The following PRR36 variants were observed in gnomAD, a reference collection of about 807,000 sequenced individuals.
PRR36 encodes proline rich 36.
In PRR36, 30 loss-of-function variants were observed where a neutral mutation model predicts 58.6. The ratio of observed to expected loss-of-function variants is 0.51; its 90% CI spans 0.38 to 0.69. PRR36 has a LOEUF of 0.69. Ranked by LOEUF, PRR36 falls within the 30% of genes least tolerant of loss-of-function variation. PRR36 has a pLI of 0.00. For missense variants in PRR36, 1,692 were observed against 1,805.6 expected (o/e 0.94, Z 1.14); for synonymous variants, 771 against 829.3 (o/e 0.93, Z 1.21).
Position 7,869,407 on chromosome 19 carries a change from C to A in PRR36, c.3667G>T (p.Gly1223Cys), listed in dbSNP as rs933662999. 1.3e-6 allele frequency: 2 copies of A among 1,482,216 alleles called. No individual in the cohort carries two copies. The highest frequency in any genetic ancestry group is 1.8e-6 in the Non-Finnish European group (2 of 1,125,070). The allele number at this position is 1,482,216 out of a possible 1,614,324, so 91.8% of individuals were successfully genotyped here. A position where few individuals can be genotyped will look rare whatever the true frequency, so the allele number is the denominator to read the frequency against. Reference protein sequence around the residue: ...LDPGPSPGTSGGKAAAGAGAG... With the variant: ...LDPGPSPGTSCGKAAAGAGAG... ...CCGGCCCCAGCCGCCGCCTTCCCAC[C>A]GCTCGTGCCGGGACTGGGCCCCGGA... Residue 1223 changes from glycine (G) to cysteine (C), a missense_variant, in exon 6 of 6, where the codon GGT becomes TGT. By Grantham distance (159) the Gly-to-Cys change is radical. Transcript: ENST00000618550.
At position 7,873,365 on chromosome 19, in the gene PRR36, T is replaced by C; in HGVS notation, c.271+54A>G. 1 of 1,513,380 alleles carries C rather than the reference T, an allele frequency of 6.6e-7. No homozygotes were observed. Among genetic ancestry groups the C allele is most frequent in the South Asian group, 1.2e-5 (1 of 81,400 alleles). 93.7% of individuals were successfully genotyped at this position (1,513,380 alleles called of 1,614,324 possible). A position where few individuals can be genotyped will look rare whatever the true frequency, so the allele number is the denominator to read the frequency against. On this transcript the variant is annotated intron_variant, in intron 2 of 5. Coordinates refer to ENST00000618550, the MANE Select transcript of PRR36 (RefSeq NM_001190467.2). The surrounding 1 kb of genome is among the most constrained non-coding windows in gnomAD (Gnocchi z 5.0). ...GGCAGTGGAGGTGAGACTGGACAGG[T>C]ATTGGAAGGGGGAGGGAAGATGGGG... is the stretch of plus-strand genomic sequence containing the variant.
At position 7,872,727 on chromosome 19, in the gene PRR36, A is replaced by G. The variant is rs141982500; in HGVS notation, c.517T>C (p.Ser173Pro). 4,959 of 1,448,938 alleles carry G rather than the reference A, an allele frequency of 3.4e-3. 125 individuals carry two copies. The African/African-American group carries it at 0.062, about 18-fold the overall frequency. The allele number at this position is 1,448,938 out of a possible 1,614,324, so 89.8% of individuals were successfully genotyped here. Residue 173 changes from serine (S) to proline (P), a missense_variant, in exon 5 of 6, where the codon TCC becomes CCC. Physicochemically the swap from Ser to Pro is moderately conservative, Grantham distance 74 (BLOSUM62 -1). This residue lies in a region of PRR36 where 975 missense variants were observed against 955.2 expected (regional missense o/e 1.02). Coordinates refer to ENST00000618550, the MANE Select transcript of PRR36 (RefSeq NM_001190467.2). The surrounding 1 kb of genome is among the most constrained non-coding windows in gnomAD (Gnocchi z 6.1). ...DTSGPTPGTP[S>P]PAMARRSRAA... ...CGGGACCGACGGGCCATGGCCGGGG[A>G]CGGGGTTCCTGGGGTAGGCCCGGAA...
Position 7,872,298 on chromosome 19 carries a change from G to T in PRR36, c.946C>A (p.Pro316Thr), listed in dbSNP as rs1314934877. The change falls in exon 5 of 6, where the codon CCC (proline) becomes ACC (threonine). Residue 316 changes from proline to threonine, a missense_variant. By Grantham distance (38) the Pro-to-Thr change is conservative (BLOSUM62 -1). Coordinates refer to ENST00000618550, the MANE Select transcript of PRR36 (RefSeq NM_001190467.2). This position sits in a 1 kb window ranked among gnomAD's most constrained non-coding sequence, Gnocchi z 6.1. The part of the protein sequence containing the change: ...TPSPSGTKAR[P>T]VPPPDNAATP... Reference sequence around the variant, plus strand: ...GCTGCATTGTCGGGAGGCGGTACGGGTCTTGCCTTGGTACCCGATGGAGAG... The same window carrying T: ...GCTGCATTGTCGGGAGGCGGTACGGTTCTTGCCTTGGTACCCGATGGAGAG... The T allele has an allele frequency of 3.4e-6, 5 of 1,457,542 alleles. No homozygotes were observed. The highest frequency in any genetic ancestry group is 4.5e-6 in the Non-Finnish European group (5 of 1,111,548). 90.3% of individuals were successfully genotyped at this position (1,457,542 alleles called of 1,614,324 possible). A position where few individuals can be genotyped will look rare whatever the true frequency, so the allele number is the denominator to read the frequency against.
rs1980552239 is a variant in PRR36, at chr19:7,873,322, C to T, written c.272-23G>A. ...AGGCTGCGGGGAGAAGGCCGAGTCACAGGTGCCCCGGAGAGGTGGCAGTGG... is the reference window on the plus strand; with the variant it reads ...AGGCTGCGGGGAGAAGGCCGAGTCATAGGTGCCCCGGAGAGGTGGCAGTGG... On this transcript the variant is annotated intron_variant, in intron 2 of 5. Transcript: ENST00000618550. The surrounding 1 kb of genome is among the most constrained non-coding windows in gnomAD (Gnocchi z 5.0). 1.3e-6 allele frequency: 2 copies of T among 1,526,960 alleles called. No homozygotes were observed. Among genetic ancestry groups the T allele is most frequent in the Admixed American group, 2.0e-5 (1 of 49,946 alleles). 94.6% of individuals were successfully genotyped at this position (1,526,960 alleles called of 1,614,324 possible). A position where few individuals can be genotyped will look rare whatever the true frequency, so the allele number is the denominator to read the frequency against.
chr19:7,872,777 C>G lies in PRR36; in HGVS notation c.488-21G>C. The G allele has an allele frequency of 1.3e-6, 2 of 1,504,716 alleles. No individual in the cohort carries two copies. The highest frequency in any genetic ancestry group is 2.5e-5 in the South Asian group (2 of 80,204). The allele number at this position is 1,504,716 out of a possible 1,614,324, so 93.2% of individuals were successfully genotyped here. The stretch of plus-strand genomic sequence containing the variant: ...AGTGTCTGGAGAAAAAGTAGAAGGC[C>G]AAGGGTCACCGATACCTCTGAGGCG... On this transcript the variant is annotated intron_variant, in intron 4 of 5. Transcript: ENST00000618550. The surrounding 1 kb of genome is among the most constrained non-coding windows in gnomAD (Gnocchi z 6.1).
In PRR36 at chr19:7,869,712, T is replaced by C. The variant is rs1368593866; in HGVS notation, c.3529+3A>G. ...GCCAGGCCGGGTCTGGGGTGCCCCT[T>C]ACCTGGGGCTCCGCGGAAAGCCAGC... On this transcript the variant is annotated splice_donor_region_variant and intron_variant, in intron 5 of 5. Transcript: ENST00000618550. 7 of 1,344,654 alleles carry C rather than the reference T, an allele frequency of 5.2e-6. No homozygotes were observed. In the South Asian group the frequency reaches 1.3e-4, roughly 24 times the overall value. 83.3% of individuals were successfully genotyped at this position (1,344,654 alleles called of 1,614,324 possible).
rs999325614 is a variant in PRR36, at chr19:7,870,025, G to T, written c.3219C>A (p.Thr1073=). The T allele has an allele frequency of 4.4e-5, 63 of 1,443,590 alleles. 1 individual carries two copies. Among genetic ancestry groups the T allele is most frequent in the Middle Eastern group, 4.2e-4 (2 of 4,742 alleles). 89.4% of individuals were successfully genotyped at this position (1,443,590 alleles called of 1,614,324 possible). The change falls in exon 5 of 6, where the codon ACC becomes ACA. Residue 1073 remains threonine (T), a synonymous_variant. Coordinates refer to ENST00000618550, the MANE Select transcript of PRR36 (RefSeq NM_001190467.2). ...TCGGGGGGCGGCGTGGGGCCTGCAG[G>T]GTGGGTGAGGCAGGGGGAGAGGGAG... The part of the protein sequence containing the change: ...QVPPSPPASP[T]LQAPRRPPTP...
chr19:7,873,022 T>C lies in PRR36; in HGVS notation c.375-61A>G. The C allele has an allele frequency of 6.9e-7, 1 of 1,446,298 alleles. No individual in the cohort carries two copies. Among genetic ancestry groups the C allele is most frequent in the Non-Finnish European group, 9.3e-7 (1 of 1,070,342 alleles). 89.6% of individuals were successfully genotyped at this position (1,446,298 alleles called of 1,614,324 possible). A position where few individuals can be genotyped will look rare whatever the true frequency, so the allele number is the denominator to read the frequency against. On this transcript the variant is annotated intron_variant, in intron 3 of 5. Coordinates refer to ENST00000618550, the MANE Select transcript of PRR36 (RefSeq NM_001190467.2). This position sits in a 1 kb window ranked among gnomAD's most constrained non-coding sequence, Gnocchi z 5.0. ...TTTGTTTGGCTTCCCAAGTCTCTAT[T>C]TTCCCATCTGTGAAATGGGCATGTG...
chr19:7,872,171 T>C lies in PRR36; in HGVS notation c.1073A>G (p.His358Arg). Residue 358 changes from histidine to arginine, a missense_variant, in exon 5 of 6, where the codon CAC becomes CGC. Coordinates refer to ENST00000618550, the MANE Select transcript of PRR36 (RefSeq NM_001190467.2). The surrounding 1 kb of genome is among the most constrained non-coding windows in gnomAD (Gnocchi z 6.1). ...CAACTGACAGGTAAGGCTCGACGAG[T>C]GGGGCGTGGCCGGCAGGGTGGGCGG... ...QAPPTLPATP[H>R]SSSLTCQLAT... The C allele has an allele frequency of 2.2e-6, 3 of 1,381,918 alleles. No individual in the cohort carries two copies. The highest frequency in any genetic ancestry group is 2.8e-6 in the Non-Finnish European group (3 of 1,066,912). The allele number at this position is 1,381,918 out of a possible 1,614,324, so 85.6% of individuals were successfully genotyped here.
rs1980467977 is a variant in PRR36 at position 7,871,904 on chromosome 19, G to A, written c.1340C>T (p.Pro447Leu). The A allele has an allele frequency of 6.5e-7, 1 of 1,535,906 alleles. No homozygotes were observed. The highest frequency in any genetic ancestry group is 8.7e-7 in the Non-Finnish European group (1 of 1,146,824). Residue 447 changes from proline to leucine, a missense_variant, in exon 5 of 6, where the codon CCG (proline) becomes CTG (leucine). Around this residue, in one of 5 missense-constraint regions of PRR36, gnomAD observed 975 missense variants for 955.2 expected, o/e 1.02. Coordinates refer to ENST00000618550, the MANE Select transcript of PRR36 (RefSeq NM_001190467.2). The stretch of plus-strand genomic sequence containing the variant: ...TGTGGCCAAGGGAGAGAGGAGAGTC[G>A]GAAGAGAGGGCAACGCTGGATTAGC... ...TQANPALPSL[P>L]TLLSPLATPP...
rs1204055272 is a variant in PRR36, at chr19:7,872,207, T to C, written c.1037A>G (p.Gln346Arg). The C allele has an allele frequency of 7.1e-7, 1 of 1,411,800 alleles. No homozygotes were observed. Among genetic ancestry groups the C allele is most frequent in the Admixed American group, 3.0e-5 (1 of 33,830 alleles). The allele number at this position is 1,411,800 out of a possible 1,614,324, so 87.5% of individuals were successfully genotyped here. A position where few individuals can be genotyped will look rare whatever the true frequency, so the allele number is the denominator to read the frequency against. ...CGGCAGGGTGGGCGGGGCCTGACTT[T>C]GGAGAGCGGCTGGCGGAGGGGGCGT... ...PVTPPPPAAL[Q>R]SQAPPTLPAT... The change falls in exon 5 of 6, where the codon CAA (glutamine) becomes CGA (arginine). Residue 346 changes from glutamine (Q) to arginine (R), a missense_variant. This residue lies in a region of PRR36 where 975 missense variants were observed against 955.2 expected (regional missense o/e 1.02). Coordinates refer to ENST00000618550, the MANE Select transcript of PRR36 (RefSeq NM_001190467.2). The surrounding 1 kb of genome is among the most constrained non-coding windows in gnomAD (Gnocchi z 6.1).
Position 7,873,381 on chromosome 19 carries a change from GA to G in PRR36, c.271+37del. 1 of 1,517,318 alleles carries G rather than the reference GA, an allele frequency of 6.6e-7. No individual in the cohort carries two copies. The highest frequency in any genetic ancestry group is 8.8e-7 in the Non-Finnish European group (1 of 1,135,214). 94.0% of individuals were successfully genotyped at this position (1,517,318 alleles called of 1,614,324 possible). The stretch of plus-strand genomic sequence containing the variant: ...CTGGACAGGTATTGGAAGGGGGAGG[GA>G]AGATGGGGGCGGAGCTGAGGAAGGA... On this transcript the variant is annotated intron_variant, in intron 2 of 5. Transcript: ENST00000618550. The surrounding 1 kb of genome is among the most constrained non-coding windows in gnomAD (Gnocchi z 5.0).
At position 7,871,801 on chromosome 19, in the gene PRR36, C is replaced by T. The variant is rs1406460920; in HGVS notation, c.1443G>A (p.Leu481=). ...AAAGGCCTGGCTGAGGGAGTGCGGC[C>T]AGGGGAAAAGCCGAATTCCCCAGAG... ...ATSLGNSAFP[L]AALPQPGLSA... The change falls in exon 5 of 6, where the codon CTG becomes CTA. Residue 481 remains leucine (L), a synonymous_variant. Transcript: ENST00000618550. The T allele has an allele frequency of 6.5e-7, 1 of 1,534,932 alleles. No homozygotes were observed. Among genetic ancestry groups the T allele is most frequent in the African/African-American group, 1.4e-5 (1 of 72,670 alleles).
Position 7,872,651 on chromosome 19 carries a change from G to T in PRR36, c.593C>A (p.Pro198Gln). ...GLPRPAPSAR[P>Q]RPPTEGPRKS... ...CCGGGGGCCCTCTGTCGGGGGCCGT[G>T]GCCGGGCACTCGGAGCTGGCCGGGG... Residue 198 changes from proline to glutamine, a missense_variant, in exon 5 of 6, where the codon CCA (proline) becomes CAA (glutamine). Pro to Gln is a moderately conservative substitution (Grantham distance 76). This residue lies in a region of PRR36 where 975 missense variants were observed against 955.2 expected (regional missense o/e 1.02). Coordinates refer to ENST00000618550, the MANE Select transcript of PRR36 (RefSeq NM_001190467.2). This position sits in a 1 kb window ranked among gnomAD's most constrained non-coding sequence, Gnocchi z 6.1. 6.8e-7 allele frequency: 1 copy of T among 1,474,986 alleles called. No individual in the cohort carries two copies. Among genetic ancestry groups the T allele is most frequent in the Non-Finnish European group, 8.9e-7 (1 of 1,117,392 alleles). The allele number at this position is 1,474,986 out of a possible 1,614,324, so 91.4% of individuals were successfully genotyped here.
In PRR36 at chr19:7,874,090, C is replaced by G. The variant is rs191575938; in HGVS notation, c.-8+196G>C. Among the ~76,000 whole-genome samples, 7 of 152,208 alleles carry G rather than the reference C, an allele frequency of 4.6e-5. No homozygotes were observed. In the East Asian group the frequency reaches 5.8e-4, roughly 13 times the overall value. ...CGCATCCCTCCAGACCCGGAGCGCA[C>G]GCCCGGGTCTCCCCGCCAGCCCCCA... On this transcript the variant is annotated intron_variant, in intron 1 of 5. Transcript: ENST00000618550. The surrounding 1 kb of genome is among the most constrained non-coding windows in gnomAD (Gnocchi z 6.0).
chr19:7,873,101 A>C lies in PRR36; in HGVS notation c.374+96T>G, dbSNP rs1269406834. 1 of 1,361,460 alleles carries C rather than the reference A, an allele frequency of 7.3e-7. No individual in the cohort carries two copies. Among genetic ancestry groups the C allele is most frequent in the Non-Finnish European group, 1.0e-6 (1 of 991,534 alleles). 84.3% of individuals were successfully genotyped at this position (1,361,460 alleles called of 1,614,324 possible). A position where few individuals can be genotyped will look rare whatever the true frequency, so the allele number is the denominator to read the frequency against. On this transcript the variant is annotated intron_variant, in intron 3 of 5. Coordinates refer to ENST00000618550, the MANE Select transcript of PRR36 (RefSeq NM_001190467.2). This position sits in a 1 kb window ranked among gnomAD's most constrained non-coding sequence, Gnocchi z 5.0. Reference sequence around the variant, plus strand: ...ACCCAATTTGTGCCCAGTGACCTGCAAGTGCTCCCGCGCCCCAACTCGTGT... The same window carrying C: ...ACCCAATTTGTGCCCAGTGACCTGCCAGTGCTCCCGCGCCCCAACTCGTGT...
rs1345793786 is a variant in PRR36, at chr19:7,872,034, T to G, written c.1210A>C (p.Met404Leu). 4.6e-6 allele frequency: 7 copies of G among 1,532,220 alleles called. No homozygotes were observed. In the South Asian group the frequency reaches 7.2e-5, roughly 16 times the overall value. 94.9% of individuals were successfully genotyped at this position (1,532,220 alleles called of 1,614,324 possible). ...PSQVPPTQLI[M>L]SFPEAGVSSL... ...GAGACGCCTGCTTCTGGAAAGGACA[T>G]AATCAGCTGTGTGGGTGGAACTTGC... Residue 404 changes from methionine to leucine, a missense_variant, in exon 5 of 6, where the codon ATG becomes CTG. By Grantham distance (15) the Met-to-Leu change is conservative. Coordinates refer to ENST00000618550, the MANE Select transcript of PRR36 (RefSeq NM_001190467.2). This position sits in a 1 kb window ranked among gnomAD's most constrained non-coding sequence, Gnocchi z 6.1.
chr19:7,870,760 C>A lies in PRR36; in HGVS notation c.2484G>T (p.Leu828=), dbSNP rs1437517125. The A allele has an allele frequency of 3.0e-6, 4 of 1,316,504 alleles. No homozygotes were observed. The allele number at this position is 1,316,504 out of a possible 1,614,324, so 81.6% of individuals were successfully genotyped here. The part of the protein sequence containing the change: ...PALASPPLQG[L]PSPPLSPLAT... ...CCAAAGGAGACAGAGGGGGAGAGGG[C>A]AGGCCCTGCAAAGGGGGTGAGGCCA... The change falls in exon 5 of 6, where the codon CTG becomes CTT. Residue 828 remains leucine (L), a synonymous_variant. Coordinates refer to ENST00000618550, the MANE Select transcript of PRR36 (RefSeq NM_001190467.2).
Position 7,870,572 on chromosome 19 carries a change from G to A in PRR36, c.2672C>T (p.Pro891Leu). 2 of 1,230,382 alleles carry A rather than the reference G, an allele frequency of 1.6e-6. No individual in the cohort carries two copies. The highest frequency in any genetic ancestry group is 2.1e-6 in the Non-Finnish European group (2 of 974,554). The allele number at this position is 1,230,382 out of a possible 1,614,324, so 76.2% of individuals were successfully genotyped here. The change falls in exon 5 of 6, where the codon CCC (proline) becomes CTC (leucine). Residue 891 changes from proline to leucine, a missense_variant. Pro to Leu is a moderately conservative substitution (Grantham distance 98). Around this residue, in one of 5 missense-constraint regions of PRR36, gnomAD observed 171 missense variants for 146.2 expected, o/e 1.17. Transcript: ENST00000618550. ...HLLQAPFSPPPSPPVQAPFSP... is the reference protein window; with the variant it reads ...HLLQAPFSPPLSPPVQAPFSP... Reference sequence around the variant, plus strand: ...GAAAGGGGCCTGCACTGGGGGTGAGGGAGGGGGAGAGAAAGGGGCCTGCAG... The same window carrying A: ...GAAAGGGGCCTGCACTGGGGGTGAGAGAGGGGGAGAGAAAGGGGCCTGCAG...
Sources: gnomAD v4.1 joint callset for allele counts (sites outside exome capture counted in the v4.1 genomes callset) on GRCh38, gnomAD v4.1.1 for gene constraint, gnomAD v4.1.1 regional missense constraint, Gnocchi (gnomAD v3.1) non-coding constraint, MANE v1.5 for transcripts, NCBI Gene and HGNC (gene_info 2026-07-23, HGNC 2026-07-21) for gene names.